Variants in RGL1 observed in about 807,000 individuals in gnomAD.
RGL1 encodes ral guanine nucleotide dissociation stimulator like 1.
RGL1 carries 24 observed loss-of-function variants against 95.2 expected under a neutral mutation model. The observed-to-expected ratio is 0.25, with a 90% confidence interval of 0.18 to 0.35. RGL1 has a LOEUF of 0.35. Ranked by LOEUF, RGL1 falls within the 10% of genes least tolerant of loss-of-function variation. RGL1 has a pLI of 1.00. For synonymous variants in RGL1, 329 were observed against 344.9 expected, an observed-to-expected ratio of 0.95 and a Z score of 0.51; for missense variants, 715 against 936.3, an observed-to-expected ratio of 0.76 and a Z score of 3.08.
At chr1:183,745,098 G>GT (rs1301974663) in intron 2 of RGL1, among the ~76,000 whole-genome samples, 1 of 152,108 alleles carries the variant, frequency 6.6e-6, no homozygotes, top group Non-Finnish European at 1.5e-5. Context: ...GGACCTTGTT[G>GT]TAACACAAAT....
At position 183,821,789 on chromosome 1, in the gene RGL1, G is replaced by A. The variant is rs556280717; in HGVS notation, c.138+15304G>A. On this transcript the variant is annotated intron_variant, in intron 2 of 17. Transcript: ENST00000360851. The stretch of plus-strand genomic sequence containing the variant: ...GGAGTCCAAGAATGACTTTTGTCTG[G>A]TTACTTGCTTCTCGGAGACTTTTTC... Among the ~76,000 whole-genome samples the A allele has an allele frequency of 3.9e-5, 6 of 152,256 alleles. No individual in the cohort carries two copies. The South Asian group carries it at 6.2e-4, about 16-fold the overall frequency.
Position 183,745,230 on chromosome 1 carries a change from G to T in RGL1, c.132+2941G>T, listed in dbSNP as rs1481666986. On this transcript the variant is annotated intron_variant, in intron 2 of 18. Coordinates refer to the RGL1 transcript ENST00000304685. ...TTCATTGGGTCATTTGTCTTTCCTT[G>T]TTGATTTCTGGAAACTAATGTTTTG... Among the ~76,000 whole-genome samples, 4 of 152,074 alleles carry T rather than the reference G, an allele frequency of 2.6e-5. No individual in the cohort carries two copies. The South Asian group carries it at 8.3e-4, about 32-fold the overall frequency.
In RGL1 at chr1:183,817,221, C is replaced by T. The variant is rs141928044; in HGVS notation, c.138+10736C>T. On this transcript the variant is annotated intron_variant, in intron 2 of 17. Transcript: ENST00000360851. ...CAGAGGCAAGAATGTTACCAGCTGA[C>T]CAACACTGACCCTCATAAAATGTAG... Among the ~76,000 whole-genome samples the T allele has an allele frequency of 1.2e-4, 19 of 152,278 alleles. No individual in the cohort carries two copies. In the East Asian group the frequency reaches 3.5e-3, roughly 28 times the overall value.
At chr1:183,855,426 C>T (rs958918176) in intron 3 of RGL1, among the ~76,000 whole-genome samples, 40 of 152,192 alleles carry the variant, frequency 2.6e-4, no homozygotes, top group Non-Finnish European at 3.5e-4. Flanking sequence ...TTTGTTAAAC[C>T]TCACTTAAAA....
At chr1:183,890,273 C>T (rs74453227) in intron 8 of RGL1, among the ~76,000 whole-genome samples, 1 of 152,212 alleles carries the variant, frequency 6.6e-6, no homozygotes, top group African/African-American at 2.4e-5. Flanking sequence ...CGTAACCAGC[C>T]TAAGATTTCT....
chr1:183,895,669 G>T (rs1667651674), intron 9 of RGL1, among the ~76,000 whole-genome samples: 3 of 152,178 alleles, frequency 2.0e-5, no homozygotes, highest in Non-Finnish European at 2.9e-5. Flanking sequence ...TTTCAAGAAG[G>T]TTCAAGGGAT....
At chr1:183,758,513 C>G (rs1429194847) in intron 2 of RGL1, among the ~76,000 whole-genome samples, 1 of 152,160 alleles carries the variant, frequency 6.6e-6, no homozygotes, top group Non-Finnish European at 1.5e-5. Flanking sequence ...AGAAATTTCT[C>G]TCTCACAGCT....
intron 2 of RGL1, among the ~76,000 whole-genome samples, chr1:183,814,921 T>C (rs1661981360): frequency 6.6e-6 from 1 of 152,222 alleles, no homozygotes; most frequent in Non-Finnish European, 1.5e-5. Context: ...TAACTGAAAC[T>C]GGATTAGACA....
At chr1:183,835,123 T>C (rs971521038) in intron 2 of RGL1, among the ~76,000 whole-genome samples, 11 of 151,812 alleles carry the variant, frequency 7.2e-5, no homozygotes, top group African/African-American at 2.7e-4. Context: ...TGATCATTAA[T>C]ATCTAGTAAA....
At chr1:183,783,824 T>C (rs1373484680) in intron 2 of RGL1, among the ~76,000 whole-genome samples, 1 of 152,156 alleles carries the variant, frequency 6.6e-6, no homozygotes, top group Non-Finnish European at 1.5e-5. Context: ...GATTGTCATA[T>C]TTTTGAATTT....
chr1:183,641,562 C>G (rs912522185), intron 1 of RGL1, among the ~76,000 whole-genome samples: 3 of 152,126 alleles, frequency 2.0e-5, no homozygotes, highest in South Asian at 2.1e-4. Flanking sequence ...GAGCCCCCCC[C>G]ACCATACCTG....
At chr1:183,853,612 T>C (rs1037447827) in intron 3 of RGL1, among the ~76,000 whole-genome samples, 8 of 152,228 alleles carry the variant, frequency 5.3e-5, no homozygotes, top group African/African-American at 1.9e-4. Context: ...TTTGAACTTA[T>C]TTCTTCTTCC....
chr1:183,706,290 CA>C (rs1654908793), intron 1 of RGL1, among the ~76,000 whole-genome samples: 1 of 152,048 alleles, frequency 6.6e-6, no homozygotes, highest in Admixed American at 6.6e-5. Flanking sequence ...ACTTGTCCAT[CA>C]ATTCCCACAA....
At chr1:183,742,112 A>T (rs2102257725) in intron 1 of RGL1, 3 of 1,605,630 alleles carry the variant, frequency 1.9e-6, no homozygotes, top group Non-Finnish European at 2.6e-6. Context: ...ATCACACTTT[A>T]TTCTTCCACA....
intron 17 of RGL1, among the ~76,000 whole-genome samples, chr1:183,924,169 T>C (rs112824658): frequency 1.3e-5 from 1 of 79,488 alleles, no homozygotes. Context: ...CATGCACACA[T>C]ATGTTTATTG....
intron 17 of RGL1, among the ~76,000 whole-genome samples, chr1:183,925,617 A>G (rs1382840963): frequency 6.6e-6 from 1 of 152,222 alleles, no homozygotes; most frequent in Admixed American, 6.5e-5. Context: ...ACTTCAAAAA[A>G]TATTTCAATA....
rs1427335622 is a variant in RGL1, at chr1:183,900,880, T to C, written c.1317+644T>C. Among the ~76,000 whole-genome samples, 3 of 151,732 alleles carry C rather than the reference T, an allele frequency of 2.0e-5. No homozygotes were observed. The East Asian group carries it at 5.9e-4, about 30-fold the overall frequency. On this transcript the variant is annotated intron_variant, in intron 11 of 17. Transcript: ENST00000360851. Reference sequence around the variant, plus strand: ...GTGGGTTTGGGTTTGAACAAGACTTTAAGGCCGGGCGCGATGTCTCATGCC... The same window carrying C: ...GTGGGTTTGGGTTTGAACAAGACTTCAAGGCCGGGCGCGATGTCTCATGCC...
chr1:183,926,501 T>A lies in RGL1; in HGVS notation c.*209T>A. ...ATGAAAAGGATGAACGATTCACTGA[T>A]TCTCTTTGACTCATTTGAGACTAAA... On this transcript the variant is annotated 3_prime_UTR_variant, in exon 18 of 18. Coordinates refer to ENST00000360851, the MANE Select transcript of RGL1 (RefSeq NM_001297671.3). 2.4e-6 allele frequency: 1 copy of A among 414,848 alleles called. No homozygotes were observed. 25.7% of individuals were successfully genotyped at this position (414,848 alleles called of 1,614,324 possible).
chr1:183,790,620 A>G (rs1029168573), intron 2 of RGL1, among the ~76,000 whole-genome samples: 4 of 152,174 alleles, frequency 2.6e-5, no homozygotes, highest in East Asian at 3.8e-4. Flanking sequence ...CCTGAGGCAC[A>G]GGATACAATA....
Sources: gnomAD v4.1 joint callset for allele counts (sites outside exome capture counted in the v4.1 genomes callset) on GRCh38, gnomAD v4.1.1 for gene constraint, MANE v1.5 for transcripts, NCBI Gene and HGNC (gene_info 2026-07-23, HGNC 2026-07-21) for gene names.